CCDC88A: variants seen among roughly 807,000 people sequenced by gnomAD.
CCDC88A encodes the protein girdin.
In CCDC88A, 54 loss-of-function variants were observed where a neutral mutation model predicts 234.3. That is an observed-to-expected ratio of 0.23 (90% CI 0.19 to 0.29). The LOEUF is 0.29. Among genes scored for constraint, CCDC88A ranks in the 10% least tolerant of loss-of-function variants. The pLI, the probability that CCDC88A is intolerant of heterozygous loss-of-function variation, is 1.00. For synonymous variants in CCDC88A, 753 were observed against 737.8 expected, an observed-to-expected ratio of 1.02 and a Z score of -0.33; for missense variants, 1,832 against 2,123.4, an observed-to-expected ratio of 0.86 and a Z score of 2.70.
Position 55,316,076 on chromosome 2 carries a change from T to C in CCDC88A, c.3785A>G (p.Glu1262Gly). The change falls in exon 22 of 33, where the codon GAA becomes GGA. Residue 1262 changes from glutamate to glycine, a missense_variant. By Grantham distance (98) the Glu-to-Gly change is moderately conservative. Around this residue, in one of 6 missense-constraint regions of CCDC88A, gnomAD observed 1,282 missense variants for 1,543.6 expected, o/e 0.83. Transcript: ENST00000436346. ...ATTTTTATGGTCAGTTTGTAAAACTTCAGTCTCTTTTAAAAGTTGACTATA... is the reference window on the plus strand; with the variant it reads ...ATTTTTATGGTCAGTTTGTAAAACTCCAGTCTCTTTTAAAAGTTGACTATA... The part of the protein sequence containing the change: ...HTYSQLLKET[E>G]VLQTDHKNLK... 1 of 1,555,588 alleles carries C rather than the reference T, an allele frequency of 6.4e-7. No homozygotes were observed. Among genetic ancestry groups the C allele is most frequent in the Non-Finnish European group, 8.8e-7 (1 of 1,138,224 alleles).
At chr2:55,387,779 C>CAAAAAAAA (rs66479611) in intron 3 of CCDC88A, among the ~76,000 whole-genome samples, 12 of 64,800 alleles carry the variant, frequency 1.9e-4, no homozygotes, top group African/African-American at 3.8e-4. Flanking sequence ...GGCTCCATCT[C>CAAAAAAAA]AAAAAAAAAA....
Position 55,295,884 on chromosome 2 carries a change from C to T in CCDC88A, c.5264G>A (p.Arg1755Lys). ...ATCTTCAGTTTTTCGAGGACCAGGT[C>T]TCAAAAACTCAGGCTTAGTTGTCCG... ...DRRTTKPEFL[R>K]PGPRKTEDTY... Residue 1755 changes from arginine (R) to lysine (K), a missense_variant, in exon 31 of 33, where the codon AGA (arginine) becomes AAA (lysine). Transcript: ENST00000436346. 5 of 1,614,074 alleles carry T rather than the reference C, an allele frequency of 3.1e-6. No individual in the cohort carries two copies. Among genetic ancestry groups the T allele is most frequent in the Non-Finnish European group, 4.2e-6 (5 of 1,180,012 alleles).
Position 55,332,515 on chromosome 2 carries a change from C to CA in CCDC88A, c.2855+50dup, listed in dbSNP as rs368125112. The CA allele has an allele frequency of 0.038, 50,035 of 1,323,368 alleles. 58 individuals carry two copies. Among genetic ancestry groups the CA allele is most frequent in the African/African-American group, 0.069 (4,330 of 62,976 alleles). The allele number at this position is 1,323,368 out of a possible 1,614,324, so 82.0% of individuals were successfully genotyped here. A position where few individuals can be genotyped will look rare whatever the true frequency, so the allele number is the denominator to read the frequency against. On this transcript the variant is annotated intron_variant, in intron 16 of 32. Transcript: ENST00000436346. This position sits in a 1 kb window ranked among gnomAD's most constrained non-coding sequence, Gnocchi z 4.5. ...AGTACAGAAAGAATTCATGTATGAG[C>CA]AAAAAAAAAAAAAAATTTTCAACTG...
At chr2:55,364,555 C>A (rs1193903678) in intron 5 of CCDC88A, among the ~76,000 whole-genome samples, 1 of 152,010 alleles carries the variant, frequency 6.6e-6, no homozygotes, top group African/African-American at 2.4e-5. Context: ...AAAAGAAACC[C>A]ACTTTTGTGG....
chr2:55,343,974 G>T, intron 11 of CCDC88A, 182 bp from the exon 12 acceptor site: 1 of 473,796 alleles, frequency 2.1e-6, no homozygotes, highest in Non-Finnish European at 3.6e-6. Flanking sequence ...TTAAGTGTCT[G>T]ACATCCTTTT....
chr2:55,308,738 T>A, intron 25 of CCDC88A, 71 bp downstream of exon 25: 3 of 1,095,964 alleles, frequency 2.7e-6, no homozygotes, highest in South Asian at 1.4e-5. Context: ...CCCAAAGGAC[T>A]ACTGAAGTTT....
At chr2:55,378,481 G>A (rs553501634) in intron 3 of CCDC88A, among the ~76,000 whole-genome samples, 13 of 152,248 alleles carry the variant, frequency 8.5e-5, no homozygotes, top group South Asian at 2.1e-4. Flanking sequence ...GCTCCATGAT[G>A]TACAATACAT....
rs200016098 is a variant in CCDC88A at position 55,360,317 on chromosome 2, CTAAA to C, written c.627+1987_627+1990del. On this transcript the variant is annotated intron_variant, in intron 7 of 32. Transcript: ENST00000436346. ...AAACAAAAAAAGTTAAAGAGAAACT[CTAAA>C]TAACAACTTGTTTCAATCTAATTGA... Among the ~76,000 whole-genome samples the C allele has an allele frequency of 7.0e-3, 1,072 of 152,250 alleles. 12 individuals carry two copies. The highest frequency in any genetic ancestry group is 0.024 in the African/African-American group (1,003 of 41,552).
Position 55,419,213 on chromosome 2 carries a change from G to C in CCDC88A, c.-134C>G, listed in dbSNP as rs1482776457. Reference sequence around the variant, plus strand: ...GGAGAAAAATCCCATCGTGGAGGAGGGGGGCACTCTCCCTCCTCAAAAAAC... The same window carrying C: ...GGAGAAAAATCCCATCGTGGAGGAGCGGGGCACTCTCCCTCCTCAAAAAAC... On this transcript the variant is annotated 5_prime_UTR_variant, in exon 1 of 33. Transcript: ENST00000436346. 6.3e-6 allele frequency: 4 copies of C among 635,032 alleles called. No homozygotes were observed. The East Asian group carries it at 8.2e-5, about 13-fold the overall frequency. The allele number at this position is 635,032 out of a possible 1,614,324, so 39.3% of individuals were successfully genotyped here.
At position 55,295,166 on chromosome 2, in the gene CCDC88A, G is replaced by A. The variant is rs768547341; in HGVS notation, c.5551+431C>T. On this transcript the variant is annotated intron_variant, in intron 31 of 32. Transcript: ENST00000436346. Reference sequence around the variant, plus strand: ...AGAGGCATGCAGAAGTGACAAGATTGTTGCTATTTATAGAAAACTGTAGGT... The same window carrying A: ...AGAGGCATGCAGAAGTGACAAGATTATTGCTATTTATAGAAAACTGTAGGT... 9.9e-6 allele frequency: 13 copies of A among 1,308,668 alleles called. No homozygotes were observed. In the East Asian group the frequency reaches 7.2e-4, roughly 72 times the overall value. 81.1% of individuals were successfully genotyped at this position (1,308,668 alleles called of 1,614,324 possible). A position where few individuals can be genotyped will look rare whatever the true frequency, so the allele number is the denominator to read the frequency against.
intron 2 of CCDC88A, chr2:55,404,372 T>C (rs1574487633): frequency 6.6e-6 from 1 of 152,136 alleles, no homozygotes; most frequent in African/African-American, 2.4e-5. Flanking sequence ...TTTCTATTAG[T>C]GAGAGTAGAA....
intron 7 of CCDC88A, among the ~76,000 whole-genome samples, chr2:55,361,529 A>G (rs1463899454): frequency 6.6e-6 from 1 of 152,188 alleles, no homozygotes; most frequent in Non-Finnish European, 1.5e-5. Context: ...AAAAATCTTT[A>G]GGAATTTTCT....
intron 2 of CCDC88A, among the ~76,000 whole-genome samples, chr2:55,398,394 T>C (rs1179098268): frequency 6.6e-6 from 1 of 152,204 alleles, no homozygotes; most frequent in African/African-American, 2.4e-5. Flanking sequence ...TACTATAAAC[T>C]ATCTGTACTT....
chr2:55,299,722 A>G, intron 29 of CCDC88A, 117 bp downstream of exon 29: 1 of 677,080 alleles, frequency 1.5e-6, no homozygotes, highest in African/African-American at 1.8e-5. Flanking sequence ...CCAAACAACT[A>G]TGTTCCAAAC....
intron 2 of CCDC88A, among the ~76,000 whole-genome samples, chr2:55,392,500 C>CA (rs754007497): frequency 9.2e-5 from 14 of 152,182 alleles, no homozygotes; most frequent in Non-Finnish European, 1.8e-4. Context: ...AGCTCTTCTT[C>CA]AAAACCATTT....
chr2:55,399,201 T>C (rs1240941778), intron 2 of CCDC88A, among the ~76,000 whole-genome samples: 1 of 151,962 alleles, frequency 6.6e-6, no homozygotes, highest in East Asian at 1.9e-4. Context: ...ATTATCCCTA[T>C]ATATGGGCTA....
Position 55,328,568 on chromosome 2 carries a change from T to C in CCDC88A, c.2856-133A>G, listed in dbSNP as rs954402628. The C allele has an allele frequency of 1.4e-5, 8 of 564,576 alleles. No homozygotes were observed. The highest frequency in any genetic ancestry group is 8.1e-5 in the Admixed American group (2 of 24,796). 35.0% of individuals were successfully genotyped at this position (564,576 alleles called of 1,614,324 possible). A position where few individuals can be genotyped will look rare whatever the true frequency, so the allele number is the denominator to read the frequency against. The stretch of plus-strand genomic sequence containing the variant: ...ATTTTTGTTAAAGAGGCAAATGAAA[T>C]TATCCTCTTCTTACTGCCCCATTCT... On this transcript the variant is annotated intron_variant, in intron 16 of 32. Transcript: ENST00000436346. This position sits in a 1 kb window ranked among gnomAD's most constrained non-coding sequence, Gnocchi z 4.3.
rs1388497806 is a variant in CCDC88A, at chr2:55,346,198, C to T, written c.1018G>A (p.Glu340Lys). ...SRYKERLHDI[E>K]FYKARVEELK... ...ACCTCAACTCTTGCCTTATAAAATTCAATATCATGTAGTCTCTCTTTATAT... is the reference window on the plus strand; with the variant it reads ...ACCTCAACTCTTGCCTTATAAAATTTAATATCATGTAGTCTCTCTTTATAT... The change falls in exon 10 of 33, where the codon GAA becomes AAA. Residue 340 changes from glutamate to lysine, a missense_variant. Around this residue, in one of 6 missense-constraint regions of CCDC88A, gnomAD observed 1,282 missense variants for 1,543.6 expected, o/e 0.83. Coordinates refer to ENST00000436346, the MANE Select transcript of CCDC88A (RefSeq NM_001365480.1). 1 of 1,604,166 alleles carries T rather than the reference C, an allele frequency of 6.2e-7. No individual in the cohort carries two copies. The highest frequency in any genetic ancestry group is 1.7e-5 in the Admixed American group (1 of 59,010).
At chr2:55,399,087 G>T (rs919671319) in intron 2 of CCDC88A, among the ~76,000 whole-genome samples, 8 of 152,028 alleles carry the variant, frequency 5.3e-5, no homozygotes, top group Non-Finnish European at 1.2e-4. Flanking sequence ...GATAGGGTAA[G>T]AAGAAATACA....
Sources: allele counts gnomAD v4.1 joint callset (sites outside exome capture counted in the v4.1 genomes callset), GRCh38; gene constraint gnomAD v4.1.1; regional missense constraint gnomAD v4.1.1; non-coding constraint Gnocchi (gnomAD v3.1); transcripts MANE v1.5; gene names NCBI Gene and HGNC (gene_info 2026-07-23, HGNC 2026-07-21).